WASF3: variants seen among roughly 807,000 people sequenced by gnomAD.
WASF3 encodes actin-binding protein WASF3.
Under a neutral mutation model 46.6 loss-of-function variants are expected in WASF3, and 11 were observed. The observed-to-expected ratio is 0.24, with a 90% CI of 0.15 to 0.39. WASF3 has a LOEUF of 0.39. WASF3 is among the 10% of genes least tolerant of loss of function. The pLI is 1.00. For synonymous variants in WASF3, 242 were observed against 259.7 expected, an observed-to-expected ratio of 0.93 and a Z score of 0.65; for missense variants, 576 against 669.8, an observed-to-expected ratio of 0.86 and a Z score of 1.55.
At chr13:26,550,747 T>A in the WASF3 span, among the ~76,000 whole-genome samples, 1 of 152,034 alleles carries the variant, frequency 6.6e-6, no homozygotes, top group Non-Finnish European at 1.5e-5. Flanking sequence ...ACCCTCCCCT[T>A]CCCCACCCCA....
Position 26,667,546 on chromosome 13 carries a change from G to A in WASF3, c.298G>A (p.Ala100Thr), listed in dbSNP as rs758520406. The A allele has an allele frequency of 6.2e-7, 1 of 1,613,826 alleles. No homozygotes were observed. Among genetic ancestry groups the A allele is most frequent in the Non-Finnish European group, 8.5e-7 (1 of 1,179,956 alleles). ...ACTACAGGATATCAACATGAAAAAA[G>A]CTTTCAAAAGTTCCACAGTCCAAGA... ...VSLQDINMKK[A>T]FKSSTVQDQQ... is the part of the protein sequence containing the mutation. The change falls in exon 5 of 10, where the codon GCT becomes ACT. Residue 100 changes from alanine to threonine, a missense_variant. Ala to Thr is a moderately conservative substitution (Grantham distance 58). Transcript: ENST00000335327.
At chr13:26,592,392 T>G (rs1368255024) in intron 1 of WASF3, among the ~76,000 whole-genome samples, 1 of 152,202 alleles carries the variant, frequency 6.6e-6, no homozygotes, top group Non-Finnish European at 1.5e-5. Context: ...TACCACAGAC[T>G]GTATAGCTTA....
At chr13:26,605,336 G>A (rs1301433227) in intron 1 of WASF3, among the ~76,000 whole-genome samples, 2 of 152,160 alleles carry the variant, frequency 1.3e-5, no homozygotes, top group African/African-American at 2.4e-5. Flanking sequence ...TTACAAAGAA[G>A]CTCATTAACT....
chr13:26,641,516 A>G (rs1881996534), intron 2 of WASF3, among the ~76,000 whole-genome samples: 1 of 152,178 alleles, frequency 6.6e-6, no homozygotes, highest in South Asian at 2.1e-4. Flanking sequence ...AGCTCAGGAG[A>G]TGGAGATAAG....
At chr13:26,646,870 C>G (rs571256334) in intron 3 of WASF3, among the ~76,000 whole-genome samples, 1 of 152,190 alleles carries the variant, frequency 6.6e-6, no homozygotes, top group African/African-American at 2.4e-5. Flanking sequence ...CCTGATCATT[C>G]TGATTCTTGT....
At chr13:26,558,449 CGGCCCGCGAGTGCGGGG>C (rs1446070369) in intron 1 of WASF3, among the ~76,000 whole-genome samples, 1 of 148,852 alleles carries the variant, frequency 6.7e-6, no homozygotes, top group Non-Finnish European at 1.5e-5. Context: ...GGAGGTGGGG[CGGCCCGCGAGTGCGGGG>C]GACCGCGCGC....
chr13:26,625,745 A>G (rs980434117), intron 2 of WASF3, among the ~76,000 whole-genome samples: 4 of 152,212 alleles, frequency 2.6e-5, no homozygotes, highest in South Asian at 4.1e-4. Context: ...CTCCTAGCCC[A>G]GTCAGCTTGA....
chr13:26,618,428 T>C (rs2137235888), intron 2 of WASF3, among the ~76,000 whole-genome samples: 1 of 152,232 alleles, frequency 6.6e-6, no homozygotes, highest in Non-Finnish European at 1.5e-5. Context: ...ATTATGAATT[T>C]GAGACATTTC....
the WASF3 span, among the ~76,000 whole-genome samples, chr13:26,541,966 TC>T: frequency 6.6e-6 from 1 of 151,826 alleles, no homozygotes. Flanking sequence ...CCTGTTTTAT[TC>T]CCCCTTTGGA....
the WASF3 span, among the ~76,000 whole-genome samples, chr13:26,549,915 G>A: frequency 6.6e-6 from 1 of 152,132 alleles, no homozygotes; most frequent in African/African-American, 2.4e-5. Flanking sequence ...AGCCCGGGTG[G>A]CTTATATAAC....
At chr13:26,684,625 T>C (rs1883344276) in intron 9 of WASF3, among the ~76,000 whole-genome samples, 1 of 152,146 alleles carries the variant, frequency 6.6e-6, no homozygotes, top group African/African-American at 2.4e-5. Context: ...GATTTTGATA[T>C]TTTGGGTGGG....
intron 2 of WASF3, among the ~76,000 whole-genome samples, chr13:26,628,599 C>G (rs1444632304): frequency 6.6e-6 from 1 of 152,222 alleles, no homozygotes; most frequent in African/African-American, 2.4e-5. Flanking sequence ...TTACCTCTTC[C>G]TGCTGGCTGG....
At chr13:26,588,552 T>G (rs1478252768) in intron 1 of WASF3, among the ~76,000 whole-genome samples, 1 of 152,228 alleles carries the variant, frequency 6.6e-6, no homozygotes, top group African/African-American at 2.4e-5. Flanking sequence ...CGGCTTCTGT[T>G]TCAGTTATCA....
chr13:26,574,925 C>T (rs1292289757), intron 1 of WASF3, among the ~76,000 whole-genome samples: 1 of 151,822 alleles, frequency 6.6e-6, no homozygotes, highest in Non-Finnish European at 1.5e-5. Flanking sequence ...CAAGCTGCAC[C>T]TCCTGGGTTC....
chr13:26,543,994 GTGGA>G, the WASF3 span, among the ~76,000 whole-genome samples: 5 of 152,142 alleles, frequency 3.3e-5, no homozygotes, highest in East Asian at 7.7e-4. Context: ...AGATCTGGGG[GTGGA>G]TGGATGGATG....
intron 2 of WASF3, among the ~76,000 whole-genome samples, chr13:26,615,757 A>G (rs1362745097): frequency 6.6e-6 from 1 of 152,198 alleles, no homozygotes; most frequent in Non-Finnish European, 1.5e-5. Context: ...TTGTTTCCTC[A>G]TGGCCCTTGG....
chr13:26,564,794 G>A (rs1260605698), intron 1 of WASF3, among the ~76,000 whole-genome samples: 1 of 151,798 alleles, frequency 6.6e-6, no homozygotes, highest in Non-Finnish European at 1.5e-5. Context: ...TAATAAGCAG[G>A]ACTTGATCAC....
At chr13:26,573,035 AAAAT>A (rs1319981919) in intron 1 of WASF3, among the ~76,000 whole-genome samples, 1 of 152,206 alleles carries the variant, frequency 6.6e-6, no homozygotes, top group Non-Finnish European at 1.5e-5. Flanking sequence ...CATGTTTAAA[AAAAT>A]TGATGTAATA....
intron 2 of WASF3, chr13:26,619,633 T>C (rs1051436814): frequency 2.0e-5 from 3 of 151,020 alleles, no homozygotes; most frequent in African/African-American, 7.4e-5. Context: ...GGTCTGAAGC[T>C]TATGCATGCA....
Sources: allele counts gnomAD v4.1 joint callset (sites outside exome capture counted in the v4.1 genomes callset), GRCh38; gene constraint gnomAD v4.1.1; transcripts MANE v1.5; gene names NCBI Gene and HGNC (gene_info 2026-07-23, HGNC 2026-07-21).